The following DIS3L2 variants were observed in gnomAD, a reference collection of about 807,000 sequenced individuals.
The protein encoded by DIS3L2 is DIS3-like exonuclease 2.
A neutral mutation model predicts 97.5 loss-of-function variants in DIS3L2; 34 were observed. That is an observed-to-expected ratio of 0.35 (90% CI 0.27 to 0.46). The LOEUF (loss-of-function observed/expected upper bound fraction) is 0.46, where lower values mean the gene tolerates loss of function less well. DIS3L2 is among the 20% of genes least tolerant of loss of function. The pLI is 1.00. For synonymous variants in DIS3L2, 435 were observed against 445.2 expected (o/e 0.98, Z 0.29); for missense variants, 1,038 against 1,146.0 (o/e 0.91, Z 1.36).
chr2:231,990,603 T>C (rs2106190540), intron 1 of DIS3L2, among the ~76,000 whole-genome samples: 1 of 152,316 alleles, frequency 6.6e-6, no homozygotes, highest in Non-Finnish European at 1.5e-5. Flanking sequence ...TTCCACCTTA[T>C]AACATTTTTG....
chr2:232,319,798 G>C (rs760768780), intron 14 of DIS3L2, among the ~76,000 whole-genome samples: 1 of 152,200 alleles, frequency 6.6e-6, no homozygotes, highest in Non-Finnish European at 1.5e-5. Context: ...TTGGCCTCCA[G>C]AGTGGTAGCT....
At chr2:232,078,021 T>TTTC (rs772990002) in intron 5 of DIS3L2, among the ~76,000 whole-genome samples, 67 of 112,838 alleles carry the variant, frequency 5.9e-4, no homozygotes, top group Non-Finnish European at 9.7e-4. Flanking sequence ...TTCTTTCTTT[T>TTTC]TCTCTTTCTC....
At chr2:231,970,077 C>T (rs914380117) in intron 1 of DIS3L2, among the ~76,000 whole-genome samples, 1 of 151,946 alleles carries the variant, frequency 6.6e-6, no homozygotes, top group Non-Finnish European at 1.5e-5. Context: ...TCCCAAGTAG[C>T]TGGGACCACA....
In DIS3L2 at chr2:232,313,664, C is replaced by T. The variant is rs918861605; in HGVS notation, c.1739+13545C>T. On this transcript the variant is annotated intron_variant, in intron 14 of 20. Transcript: ENST00000325385. ...CATCTTTTCCTTTCCCCAGTAACCT[C>T]CTACCCCAAATCTCTTTATATCCCT... is the stretch of plus-strand genomic sequence containing the variant. Among the ~76,000 whole-genome samples the T allele has an allele frequency of 2.6e-5, 4 of 152,222 alleles. No individual in the cohort carries two copies. In the East Asian group the frequency reaches 7.7e-4, roughly 29 times the overall value.
At chr2:232,262,696 G>A (rs1693742601) in intron 12 of DIS3L2, among the ~76,000 whole-genome samples, 1 of 152,134 alleles carries the variant, frequency 6.6e-6, no homozygotes, top group African/African-American at 2.4e-5. Context: ...CTACATATGT[G>A]CCCCAAATGG....
chr2:231,994,877 A>G (rs1693688570), intron 1 of DIS3L2, among the ~76,000 whole-genome samples: 1 of 139,696 alleles, frequency 7.2e-6, no homozygotes, highest in Non-Finnish European at 1.5e-5. Flanking sequence ...CAGTGGCATT[A>G]TCATGGCTCA....
intron 11 of DIS3L2, among the ~76,000 whole-genome samples, chr2:232,246,859 A>G (rs1199824367): frequency 3.8e-4 from 1 of 2,606 alleles, no homozygotes; most frequent in Non-Finnish European, 6.3e-4. Flanking sequence ...AACACACACC[A>G]ATTAATGAAA....
At chr2:232,015,821 G>A in intron 3 of DIS3L2, 150 bp downstream of exon 3, 2 of 782,228 alleles carry the variant, frequency 2.6e-6, no homozygotes, top group Admixed American at 2.8e-5. Flanking sequence ...GAGATGATGA[G>A]GTAACAGATT....
At chr2:232,111,748 T>A (rs1350729555) in intron 6 of DIS3L2, among the ~76,000 whole-genome samples, 2 of 152,164 alleles carry the variant, frequency 1.3e-5, no homozygotes. Context: ...ACCTAAGCAG[T>A]CCAGTCAGGC....
intron 10 of DIS3L2, among the ~76,000 whole-genome samples, chr2:232,225,983 C>G (rs988719917): frequency 2.0e-5 from 3 of 152,112 alleles, no homozygotes; most frequent in African/African-American, 7.2e-5. Flanking sequence ...TCTATAGAGA[C>G]CAGAAATAGA....
At chr2:232,282,691 A>T (rs1694323448) in intron 13 of DIS3L2, among the ~76,000 whole-genome samples, 2 of 152,130 alleles carry the variant, frequency 1.3e-5, no homozygotes, top group Non-Finnish European at 2.9e-5. Context: ...CACCTAATTC[A>T]ATCACACATC....
At chr2:232,274,199 C>T (rs1294054742) in intron 13 of DIS3L2, among the ~76,000 whole-genome samples, 18 of 152,148 alleles carry the variant, frequency 1.2e-4, no homozygotes, top group Non-Finnish European at 2.4e-4. Flanking sequence ...ACCCCTTGTT[C>T]CTCTCAGAGA....
chr2:232,287,542 G>A (rs79539507), intron 13 of DIS3L2, among the ~76,000 whole-genome samples: 1,636 of 151,882 alleles, frequency 0.011, 28 homozygotes, highest in African/African-American at 0.037. Context: ...GGGACCACAG[G>A]TGCATGCCTG....
rs563492920 is a variant in DIS3L2, at chr2:231,971,274, T to TA, written c.-94+9509_-94+9510insA. 4.8e-3 allele frequency among the ~76,000 whole-genome samples: 721 copies of TA among 149,706 alleles called. 2 individuals are homozygous for TA. Among genetic ancestry groups the TA allele is most frequent in the Non-Finnish European group, 8.4e-3 (562 of 67,092 alleles). ...TTTGGTGTACAGTTTATTTTGTCAT[T>TA]TTTTTTTTTTTGAGACAGAGTCTCA... On this transcript the variant is annotated intron_variant, in intron 1 of 20. Transcript: ENST00000325385.
At chr2:232,238,501 C>T (rs1212229595) in intron 10 of DIS3L2, 32 bp from the exon 11 acceptor site, 2 of 1,589,640 alleles carry the variant, frequency 1.3e-6, no homozygotes, top group South Asian at 2.2e-5. Flanking sequence ...GCCTTCCACG[C>T]CAGCCTGATA....
At chr2:232,085,868 G>A (rs977122379) in intron 5 of DIS3L2, among the ~76,000 whole-genome samples, 3 of 151,814 alleles carry the variant, frequency 2.0e-5, no homozygotes, top group African/African-American at 7.3e-5. Context: ...GTGCTGTGGC[G>A]TGATCATAGC....
chr2:232,057,977 G>A (rs2106271766), intron 5 of DIS3L2, among the ~76,000 whole-genome samples: 1 of 152,252 alleles, frequency 6.6e-6, no homozygotes, highest in Non-Finnish European at 1.5e-5. Context: ...TTTAAAACAG[G>A]AGAAAAATTA....
intron 14 of DIS3L2, among the ~76,000 whole-genome samples, chr2:232,314,616 G>T (rs1327157360): frequency 1.3e-5 from 2 of 152,206 alleles, no homozygotes; most frequent in Non-Finnish European, 2.9e-5. Context: ...AACTCTTAAA[G>T]ACCTTAAAGA....
At chr2:232,128,494 T>G (rs1028631299) in intron 6 of DIS3L2, among the ~76,000 whole-genome samples, 1 of 138,770 alleles carries the variant, frequency 7.2e-6, no homozygotes, top group African/African-American at 2.7e-5. Context: ...AGACAGGTTC[T>G]TGCAGGCTGG....
Sources: allele counts gnomAD v4.1 joint callset (sites outside exome capture counted in the v4.1 genomes callset), GRCh38; gene constraint gnomAD v4.1.1; transcripts MANE v1.5; gene names NCBI Gene and HGNC (gene_info 2026-07-23, HGNC 2026-07-21).